KCNB2: variants seen among roughly 807,000 people sequenced by gnomAD.
The protein encoded by KCNB2 is potassium voltage-gated channel subfamily B member 2, also known as delayed rectifier potassium channel protein.
Under a neutral mutation model 61.5 loss-of-function variants are expected in KCNB2, and 15 were observed. That is an observed-to-expected ratio of 0.24 (90% CI 0.16 to 0.38). The LOEUF is 0.38. Ranked by LOEUF, KCNB2 falls within the 10% of genes least tolerant of loss-of-function variation. KCNB2 has a pLI of 1.00. For missense variants in KCNB2, 828 were observed against 1,125.2 expected, an observed-to-expected ratio of 0.74 and a Z score of 3.78; for synonymous variants, 457 against 446.0, an observed-to-expected ratio of 1.02 and a Z score of -0.31.
chr8:72,932,874 T>G (rs780658261), intron 2 of KCNB2, among the ~76,000 whole-genome samples: 4 of 152,186 alleles, frequency 2.6e-5, no homozygotes, highest in Non-Finnish European at 4.4e-5. Flanking sequence ...GACAATAAAC[T>G]TGCATTTGGC....
chr8:72,686,856 G>A (rs1806861379), intron 2 of KCNB2, among the ~76,000 whole-genome samples: 1 of 152,172 alleles, frequency 6.6e-6, no homozygotes, highest in African/African-American at 2.4e-5. Context: ...AGAATTAAAT[G>A]TATGACCTAA....
At chr8:72,625,774 T>C (rs1805780586) in intron 2 of KCNB2, among the ~76,000 whole-genome samples, 2 of 152,154 alleles carry the variant, frequency 1.3e-5, no homozygotes, top group South Asian at 4.2e-4. Flanking sequence ...AAAATAATGC[T>C]GGACATATCT....
chr8:72,836,167 C>T (rs1245890310), intron 2 of KCNB2, among the ~76,000 whole-genome samples: 1 of 152,166 alleles, frequency 6.6e-6, no homozygotes, highest in East Asian at 1.9e-4. Context: ...TTAACAGAAA[C>T]CAGCGTTCAG....
intron 2 of KCNB2, among the ~76,000 whole-genome samples, chr8:72,927,873 C>A (rs192693302): frequency 1.3e-5 from 2 of 152,154 alleles, no homozygotes; most frequent in African/African-American, 2.4e-5. Flanking sequence ...GGCTTCAAAG[C>A]CTTTGCCCAC....
At chr8:72,541,151 T>C (rs1806182592) in intron 1 of KCNB2, among the ~76,000 whole-genome samples, 1 of 151,774 alleles carries the variant, frequency 6.6e-6, no homozygotes, top group Non-Finnish European at 1.5e-5. Context: ...AAACTATGCA[T>C]TTGGCAGTTG....
chr8:72,933,576 C>G (rs1026676041), intron 2 of KCNB2, among the ~76,000 whole-genome samples: 4 of 152,176 alleles, frequency 2.6e-5, no homozygotes. Context: ...AACAGCGTGA[C>G]CTCCCGAAAA....
intron 2 of KCNB2, among the ~76,000 whole-genome samples, chr8:72,799,551 A>C (rs1203119757): frequency 2.6e-5 from 4 of 152,286 alleles, no homozygotes; most frequent in African/African-American, 9.6e-5. Context: ...CTATGTTTCT[A>C]GAAGCTCGAA....
At chr8:72,820,486 A>T (rs1346397779) in intron 2 of KCNB2, among the ~76,000 whole-genome samples, 2 of 152,170 alleles carry the variant, frequency 1.3e-5, no homozygotes, top group Non-Finnish European at 1.5e-5. Flanking sequence ...TCCCAACTGC[A>T]AAACAGATAG....
At chr8:72,932,270 A>C (rs1428382194) in intron 2 of KCNB2, among the ~76,000 whole-genome samples, 1 of 152,228 alleles carries the variant, frequency 6.6e-6, no homozygotes, top group Non-Finnish European at 1.5e-5. Flanking sequence ...TATACCTTCT[A>C]AGCTATATGT....
At chr8:72,585,273 C>G (rs1806986023) in intron 2 of KCNB2, among the ~76,000 whole-genome samples, 1 of 152,172 alleles carries the variant, frequency 6.6e-6, no homozygotes, top group Admixed American at 6.5e-5. Context: ...GAGGAATTGC[C>G]AGGAATTCCC....
rs552821134 is a variant in KCNB2, at chr8:72,660,591, T to G, written c.579+92278T>G. On this transcript the variant is annotated intron_variant, in intron 2 of 2. Transcript: ENST00000523207. Reference sequence around the variant, plus strand: ...AATTTTGTCTGATTTAATCTCTCTTTTTAGGTTATTGAGATTTCTCTCAGC... The same window carrying G: ...AATTTTGTCTGATTTAATCTCTCTTGTTAGGTTATTGAGATTTCTCTCAGC... The G allele has an allele frequency of 3.3e-5, 5 of 152,330 alleles. No individual in the cohort carries two copies. The South Asian group carries it at 1.0e-3, about 32-fold the overall frequency. The allele number at this position is 152,330 out of a possible 1,614,324, so 9.4% of individuals were successfully genotyped here.
intron 2 of KCNB2, among the ~76,000 whole-genome samples, chr8:72,766,541 CCAAA>C: frequency 6.6e-6 from 1 of 152,200 alleles, no homozygotes; most frequent in Non-Finnish European, 1.5e-5. Flanking sequence ...GTGAGATTTC[CCAAA>C]CAGTTTCACC....
chr8:72,642,199 T>C (rs966804243), intron 2 of KCNB2, among the ~76,000 whole-genome samples: 2 of 152,192 alleles, frequency 1.3e-5, no homozygotes, highest in Non-Finnish European at 2.9e-5. Context: ...CAGCTGATTT[T>C]AGAAACTTAA....
intron 2 of KCNB2, among the ~76,000 whole-genome samples, chr8:72,785,065 A>T (rs776677653): frequency 6.6e-6 from 1 of 152,188 alleles, no homozygotes; most frequent in Non-Finnish European, 1.5e-5. Context: ...TAATGTCTCA[A>T]TTTAAATTAT....
At chr8:72,581,348 C>CTT (rs1163211329) in intron 2 of KCNB2, among the ~76,000 whole-genome samples, 1 of 152,144 alleles carries the variant, frequency 6.6e-6, no homozygotes. Flanking sequence ...TCTCTTCATC[C>CTT]TTGTAATCTC....
At chr8:72,856,026 A>G (rs185882475) in intron 2 of KCNB2, among the ~76,000 whole-genome samples, 59 of 152,330 alleles carry the variant, frequency 3.9e-4, no homozygotes, top group Non-Finnish European at 7.5e-4. Flanking sequence ...GTCTGTGCAT[A>G]TTCAGTACAA....
intron 2 of KCNB2, among the ~76,000 whole-genome samples, chr8:72,840,573 T>C (rs1357816767): frequency 6.6e-6 from 1 of 152,182 alleles, no homozygotes; most frequent in Non-Finnish European, 1.5e-5. Context: ...GTATCTGTTG[T>C]TTCCTGACTT....
intron 2 of KCNB2, among the ~76,000 whole-genome samples, chr8:72,691,143 AG>A (rs1453325327): frequency 6.6e-6 from 1 of 152,220 alleles, no homozygotes; most frequent in Admixed American, 6.5e-5. Context: ...TTTAAAAAAT[AG>A]GCTTTGTCTT....
chr8:72,654,948 A>G (rs1271951136), intron 2 of KCNB2, among the ~76,000 whole-genome samples: 2 of 152,182 alleles, frequency 1.3e-5, no homozygotes, highest in Non-Finnish European at 2.9e-5. Context: ...ATTGTTGAGT[A>G]TATACCCAAA....
Sources: allele counts gnomAD v4.1 joint callset (sites outside exome capture counted in the v4.1 genomes callset), GRCh38; gene constraint gnomAD v4.1.1; transcripts MANE v1.5; gene names NCBI Gene and HGNC (gene_info 2026-07-23, HGNC 2026-07-21).